GRID2: variants seen among roughly 807,000 people sequenced by gnomAD.
GRID2 encodes glutamate receptor ionotropic, delta-2.
GRID2 carries 33 observed loss-of-function variants against 114.8 expected under a neutral mutation model. That is an observed-to-expected ratio of 0.29 (90% CI 0.22 to 0.38). GRID2 has a LOEUF of 0.38. GRID2 is among the 10% of genes least tolerant of loss of function. GRID2 has a pLI of 1.00. For synonymous variants in GRID2, 505 were observed against 449.9 expected, an observed-to-expected ratio of 1.12 and a Z score of -1.55; for missense variants, 1,184 against 1,257.7, an observed-to-expected ratio of 0.94 and a Z score of 0.89.
At chr4:93,568,623 C>T (rs1483459822) in intron 13 of GRID2, among the ~76,000 whole-genome samples, 1 of 152,164 alleles carries the variant, frequency 6.6e-6, no homozygotes, top group Non-Finnish European at 1.5e-5. Context: ...ACATCATTAA[C>T]AACATCATAA....
At chr4:93,805,463 A>G (rs931659103) in intron 1 of GRID2, among the ~76,000 whole-genome samples, 3 of 152,238 alleles carry the variant, frequency 2.0e-5, no homozygotes, top group Non-Finnish European at 2.9e-5. Context: ...CACTTAGTTC[A>G]GTCAAATTAC....
chr4:93,042,255 CTCTCTCTCTCTCTCTCTCTT>C (rs1256330606), intron 2 of GRID2, among the ~76,000 whole-genome samples: 4 of 95,194 alleles, frequency 4.2e-5, no homozygotes, highest in Non-Finnish European at 7.7e-5. Context: ...AAATCTCTCT[CTCTCTCTCTCTCTCTCTCTT>C]TCTCTCTCTC....
chr4:93,556,081 C>A (rs1050546105), intron 13 of GRID2, among the ~76,000 whole-genome samples: 2 of 152,132 alleles, frequency 1.3e-5, no homozygotes, highest in Admixed American at 6.5e-5. Context: ...AAAAGGATGT[C>A]CACACAAAAT....
chr4:93,286,196 A>G (rs1753133562), intron 8 of GRID2, among the ~76,000 whole-genome samples: 2 of 152,140 alleles, frequency 1.3e-5, no homozygotes, highest in South Asian at 4.1e-4. Context: ...TTATAAAAAT[A>G]GACTGAGCTA....
intron 11 of GRID2, among the ~76,000 whole-genome samples, chr4:93,488,858 A>T (rs938853172): frequency 2.0e-5 from 3 of 151,832 alleles, no homozygotes; most frequent in Admixed American, 6.6e-5. Flanking sequence ...TCCTTTTCTG[A>T]TAAGGACACC....
intron 13 of GRID2, among the ~76,000 whole-genome samples, chr4:93,563,579 T>G (rs566536506): frequency 6.6e-6 from 1 of 151,980 alleles, no homozygotes; most frequent in Non-Finnish European, 1.5e-5. Context: ...AAGATTGTAT[T>G]AGAGTTCCAA....
At chr4:92,375,353 G>A (rs1419118865) in intron 1 of GRID2, among the ~76,000 whole-genome samples, 1 of 152,136 alleles carries the variant, frequency 6.6e-6, no homozygotes, top group Non-Finnish European at 1.5e-5. Context: ...TTTAGCCCTT[G>A]TAATTTGTTT....
At chr4:92,815,427 CAA>C in intron 2 of GRID2, among the ~76,000 whole-genome samples, 1 of 152,166 alleles carries the variant, frequency 6.6e-6, no homozygotes, top group South Asian at 2.1e-4. Flanking sequence ...AGACAAATGA[CAA>C]GTCTTGGTAT....
intron 14 of GRID2, among the ~76,000 whole-genome samples, chr4:93,675,422 A>G (rs1461730710): frequency 6.6e-6 from 1 of 152,194 alleles, no homozygotes; most frequent in East Asian, 1.9e-4. Context: ...GTTTAATAAG[A>G]AAAGGTATCT....
intron 4 of GRID2, among the ~76,000 whole-genome samples, chr4:93,141,281 C>T (rs1456378895): frequency 6.6e-6 from 1 of 151,990 alleles, no homozygotes; most frequent in East Asian, 1.9e-4. Flanking sequence ...GTCTTTCTCC[C>T]TTGTTTAACC....
chr4:92,801,072 T>G (rs1578209120), intron 2 of GRID2, among the ~76,000 whole-genome samples: 1 of 152,004 alleles, frequency 6.6e-6, no homozygotes, highest in East Asian at 1.9e-4. Flanking sequence ...TGAGTATTGT[T>G]GCAATGCAAT....
At chr4:93,284,944 G>A (rs1247157891) in intron 8 of GRID2, among the ~76,000 whole-genome samples, 1 of 151,972 alleles carries the variant, frequency 6.6e-6, no homozygotes, top group East Asian at 1.9e-4. Flanking sequence ...GTGGGTAGGT[G>A]AGTAAGTGAA....
intron 14 of GRID2, among the ~76,000 whole-genome samples, chr4:93,689,604 G>A (rs1266397986): frequency 3.3e-5 from 5 of 151,716 alleles, no homozygotes; most frequent in African/African-American, 1.2e-4. Flanking sequence ...TTTTCTCTTT[G>A]TTCCATCCCA....
chr4:92,725,711 A>C, intron 2 of GRID2, among the ~76,000 whole-genome samples: 1 of 152,164 alleles, frequency 6.6e-6, no homozygotes, highest in East Asian at 1.9e-4. Flanking sequence ...CCTAGATTTT[A>C]AGAAAATCTT....
chr4:93,250,706 G>A (rs897042772), intron 8 of GRID2, among the ~76,000 whole-genome samples: 5 of 144,542 alleles, frequency 3.5e-5, no homozygotes, highest in South Asian at 2.2e-4. Context: ...ATGTGCATGC[G>A]TATATATGTT....
intron 2 of GRID2, among the ~76,000 whole-genome samples, chr4:92,992,627 G>C (rs1754975355): frequency 6.6e-6 from 1 of 152,050 alleles, no homozygotes; most frequent in African/African-American, 2.4e-5. Flanking sequence ...CTTTATTTGT[G>C]AGAATTTCCA....
chr4:93,646,965 C>T (rs1003225642), intron 14 of GRID2, among the ~76,000 whole-genome samples: 1 of 152,026 alleles, frequency 6.6e-6, no homozygotes, highest in East Asian at 1.9e-4. Context: ...GTTTAGTAAG[C>T]TTGAGATTTT....
intron 2 of GRID2, among the ~76,000 whole-genome samples, chr4:92,626,650 CAG>C (rs1730539314): frequency 6.6e-6 from 1 of 151,970 alleles, no homozygotes; most frequent in African/African-American, 2.4e-5. Context: ...AAAATGGACT[CAG>C]GGCTTTCCCA....
At chr4:93,150,143 A>T (rs891495130) in intron 4 of GRID2, among the ~76,000 whole-genome samples, 3 of 152,154 alleles carry the variant, frequency 2.0e-5, no homozygotes, top group Non-Finnish European at 2.9e-5. Flanking sequence ...TCATCTGGTC[A>T]GTTAATGTGA....
Sources: gnomAD v4.1 joint callset for allele counts (sites outside exome capture counted in the v4.1 genomes callset) on GRCh38, gnomAD v4.1.1 for gene constraint, MANE v1.5 for transcripts, NCBI Gene and HGNC (gene_info 2026-07-23, HGNC 2026-07-21) for gene names.